The following MYRFL variants were observed in gnomAD, a reference collection of about 807,000 sequenced individuals.
MYRFL encodes myelin regulatory factor-like protein.
In MYRFL, 88 loss-of-function variants were observed where a neutral mutation model predicts 109.4. That is an observed-to-expected ratio of 0.80 (90% confidence interval 0.68 to 0.96). The LOEUF (loss-of-function observed/expected upper bound fraction) is 0.96, where lower values mean the gene tolerates loss of function less well. Ranked by LOEUF, MYRFL falls within the 40% of genes least tolerant of loss-of-function variation. MYRFL has a pLI of 0.00. For synonymous variants in MYRFL, 324 were observed against 320.9 expected (o/e 1.01, Z -0.10); for missense variants, 957 against 954.9 (o/e 1.00, Z -0.03).
chr12:69,854,238 G>T (rs945850952), intron 1 of MYRFL, among the ~76,000 whole-genome samples: 3 of 152,082 alleles, frequency 2.0e-5, no homozygotes, highest in Non-Finnish European at 2.9e-5. Flanking sequence ...TCAGGCACTC[G>T]GCAGGCTGAG....
chr12:69,856,840 C>T (rs1305882947), intron 2 of MYRFL, among the ~76,000 whole-genome samples: 5 of 151,868 alleles, frequency 3.3e-5, no homozygotes, highest in African/African-American at 1.2e-4. Flanking sequence ...CCAAGTTTGT[C>T]GTTTATGTTT....
chr12:69,871,763 C>T (rs983498704), intron 2 of MYRFL, among the ~76,000 whole-genome samples: 1 of 151,854 alleles, frequency 6.6e-6, no homozygotes, highest in African/African-American at 2.4e-5. Flanking sequence ...ATATAATTTT[C>T]ATTTTTTTTT....
In MYRFL at chr12:69,877,023, C is replaced by CTTTCTTTCTTTCTTTCTTTCTTT. The variant is rs779815894; in HGVS notation, c.138-2002_138-2001insCTTTCTTTCTTTCTTTCTTTTTT. On this transcript the variant is annotated intron_variant, in intron 2 of 24. Coordinates refer to ENST00000552032, the MANE Select transcript of MYRFL (RefSeq NM_182530.3). ...CAGGTCTTTCTTTCTTTCTTTCTTT[C>CTTTCTTTCTTTCTTTCTTTCTTT]TTTTTTTTTTTTTTTTTTGAGACGG... 2.3e-5 allele frequency among the ~76,000 whole-genome samples: 3 copies of CTTTCTTTCTTTCTTTCTTTCTTT among 128,898 alleles called. No individual in the cohort carries two copies. The Admixed American group carries it at 2.4e-4, about 10-fold the overall frequency. The allele number at this position is 128,898 out of a possible 152,430, so 84.6% of individuals were successfully genotyped here.
In MYRFL at chr12:69,958,658, T is replaced by C. The variant is rs1477330576; in HGVS notation, c.*127T>C. ...TTTACGTTTATTGCTGAAGGACTTT[T>C]TCAGGCTTTAGCTTCCAACAGTTTT... On this transcript the variant is annotated 3_prime_UTR_variant, in exon 25 of 25. Transcript: ENST00000552032. The C allele has an allele frequency of 8.7e-6, 6 of 691,092 alleles. No homozygotes were observed. Among genetic ancestry groups the C allele is most frequent in the Non-Finnish European group, 1.4e-5 (6 of 426,596 alleles). 42.8% of individuals were successfully genotyped at this position (691,092 alleles called of 1,614,324 possible). A position where few individuals can be genotyped will look rare whatever the true frequency, so the allele number is the denominator to read the frequency against.
At chr12:69,887,088 A>C (rs1565998083) in intron 6 of MYRFL, 118 bp downstream of exon 6, 6 of 1,070,540 alleles carry the variant, frequency 5.6e-6, no homozygotes, top group Non-Finnish European at 5.3e-6. Context: ...AATCAGTGAG[A>C]AAGTGTCTGT....
At chr12:69,868,103 T>A (rs56253564) in intron 2 of MYRFL, among the ~76,000 whole-genome samples, 1 of 147,356 alleles carries the variant, frequency 6.8e-6, no homozygotes. Context: ...GGTTTCTTTT[T>A]TTTTTCTTTT....
At chr12:69,948,136 A>T (rs1221634134) in intron 19 of MYRFL, among the ~76,000 whole-genome samples, 1 of 152,192 alleles carries the variant, frequency 6.6e-6, no homozygotes, top group East Asian at 1.9e-4. Context: ...GTATGACTTT[A>T]TGACTTCCTG....
chr12:69,910,604 C>G (rs1315554979), intron 12 of MYRFL, among the ~76,000 whole-genome samples: 1 of 146,782 alleles, frequency 6.8e-6, no homozygotes, highest in Non-Finnish European at 1.5e-5. Context: ...TTTTAAGGCA[C>G]TTACCTCCCC....
chr12:69,947,028 C>T (rs908558976), intron 19 of MYRFL: 5 of 152,320 alleles, frequency 3.3e-5, no homozygotes, highest in African/African-American at 1.2e-4. Flanking sequence ...AGCAAAGCCT[C>T]TTCTCTTCTG....
intron 7 of MYRFL, 49 bp from the exon 8 acceptor site, chr12:69,893,715 A>G: frequency 8.6e-7 from 1 of 1,164,648 alleles, no homozygotes; most frequent in South Asian, 2.1e-5. Flanking sequence ...TTGCTGATTA[A>G]CATTTTAATT....
At chr12:69,835,750 G>T (rs564835309) in intron 1 of MYRFL, among the ~76,000 whole-genome samples, 6 of 152,178 alleles carry the variant, frequency 3.9e-5, no homozygotes, top group Non-Finnish European at 7.3e-5. Flanking sequence ...CCCTCACAGG[G>T]TGTGTGACAG....
chr12:69,926,428 T>C (rs1955084711), intron 13 of MYRFL, 143 bp from the exon 14 acceptor site: 1 of 628,534 alleles, frequency 1.6e-6, no homozygotes, highest in African/African-American at 1.9e-5. Flanking sequence ...CCTCTCCAGA[T>C]TTATCTTGAA....
intron 2 of MYRFL, among the ~76,000 whole-genome samples, chr12:69,873,306 G>A (rs1323416170): frequency 1.3e-5 from 2 of 152,158 alleles, no homozygotes; most frequent in African/African-American, 2.4e-5. Flanking sequence ...ACAAATTTGT[G>A]TTGGGCTGCA....
chr12:69,937,571 G>A (rs745764459), intron 19 of MYRFL, among the ~76,000 whole-genome samples: 6 of 152,322 alleles, frequency 3.9e-5, no homozygotes, highest in Admixed American at 1.3e-4. Context: ...GGCAAATTAT[G>A]TTCCGACTCT....
chr12:69,910,207 T>A, intron 12 of MYRFL, 130 bp downstream of exon 12: 1 of 647,170 alleles, frequency 1.5e-6, no homozygotes, highest in Middle Eastern at 4.3e-4. Flanking sequence ...TCTGTGAAAC[T>A]CATAGTCACT....
At chr12:69,914,393 A>G (rs150528790) in intron 13 of MYRFL, among the ~76,000 whole-genome samples, 1 of 152,216 alleles carries the variant, frequency 6.6e-6, no homozygotes, top group Non-Finnish European at 1.5e-5. Flanking sequence ...CCCAGGGTAC[A>G]GCCTTGGGAG....
chr12:69,938,035 A>G lies in MYRFL; in HGVS notation c.2224+1403A>G, dbSNP rs537080902. Among the ~76,000 whole-genome samples the G allele has an allele frequency of 7.9e-5, 12 of 152,324 alleles. No homozygotes were observed. In the South Asian group the frequency reaches 2.1e-3, roughly 26 times the overall value. ...CACAGAGAGTTCTTTCACTACAGCA[A>G]TAGGAGACAATGAGCTTTTCTCATG... On this transcript the variant is annotated intron_variant, in intron 19 of 24. Coordinates refer to ENST00000552032, the MANE Select transcript of MYRFL (RefSeq NM_182530.3).
At position 69,891,014 on chromosome 12, in the gene MYRFL, T is replaced by A; in HGVS notation, c.751T>A (p.Phe251Ile). ...AGTTGTAACAGACAAAGGATTTAAT[T>A]TTTCACCAGCAGATGAAGCTTTTGT... ...YRVVTDKGFN[F>I]SPADEAFVCQ... The change falls in exon 7 of 25, where the codon TTT becomes ATT. Residue 251 changes from phenylalanine (F) to isoleucine (I), a missense_variant. Physicochemically the swap from Phe to Ile is conservative, Grantham distance 21. Coordinates refer to ENST00000552032, the MANE Select transcript of MYRFL (RefSeq NM_182530.3). 6.5e-7 allele frequency: 1 copy of A among 1,534,054 alleles called. No homozygotes were observed. Among genetic ancestry groups the A allele is most frequent in the Non-Finnish European group, 8.7e-7 (1 of 1,146,040 alleles).
intron 7 of MYRFL, among the ~76,000 whole-genome samples, chr12:69,892,191 C>G (rs1331135473): frequency 6.6e-6 from 1 of 152,014 alleles, no homozygotes; most frequent in African/African-American, 2.4e-5. Flanking sequence ...AGCCAAGGAG[C>G]CACTAATTTA....
Sources: allele counts gnomAD v4.1 joint callset (sites outside exome capture counted in the v4.1 genomes callset), GRCh38; gene constraint gnomAD v4.1.1; transcripts MANE v1.5; gene names NCBI Gene and HGNC (gene_info 2026-07-23, HGNC 2026-07-21).